The following PRKG1 variants were observed in gnomAD, a reference collection of about 807,000 sequenced individuals.
PRKG1 encodes the protein protein kinase cGMP-dependent 1.
Under a neutral mutation model 88.1 loss-of-function variants are expected in PRKG1, and 35 were observed. The ratio of observed to expected loss-of-function variants is 0.40; its 90% confidence interval spans 0.30 to 0.53. The LOEUF is 0.53. Ranked by LOEUF, PRKG1 falls within the 20% of genes least tolerant of loss-of-function variation. The pLI is 0.59. For synonymous variants in PRKG1, 303 were observed against 292.5 expected (o/e 1.04, Z -0.37); for missense variants, 540 against 839.8 (o/e 0.64, Z 4.41).
chr10:51,581,346 C>A (rs1245551378), intron 3 of PRKG1, among the ~76,000 whole-genome samples: 4 of 152,066 alleles, frequency 2.6e-5, no homozygotes, highest in African/African-American at 9.7e-5. Context: ...TCCATAGAAA[C>A]AGGACGTGAA....
At chr10:51,194,794 C>T (rs904403576) in intron 2 of PRKG1, among the ~76,000 whole-genome samples, 2 of 152,000 alleles carry the variant, frequency 1.3e-5, no homozygotes, top group Non-Finnish European at 2.9e-5. Flanking sequence ...CTTGCAAGAG[C>T]CTTCTTGTTG....
chr10:52,140,171 A>G (rs564057487), intron 8 of PRKG1, among the ~76,000 whole-genome samples: 10 of 152,360 alleles, frequency 6.6e-5, no homozygotes, highest in South Asian at 2.1e-4. Flanking sequence ...CCTGTTGGCC[A>G]TAATTTCTTG....
chr10:51,626,172 G>A (rs1188992137), intron 3 of PRKG1, among the ~76,000 whole-genome samples: 1 of 152,072 alleles, frequency 6.6e-6, no homozygotes. Context: ...GGAATGACTG[G>A]GTAACCACTT....
At chr10:51,987,376 G>A (rs1482570819) in intron 5 of PRKG1, among the ~76,000 whole-genome samples, 1 of 151,074 alleles carries the variant, frequency 6.6e-6, no homozygotes, top group Non-Finnish European at 1.5e-5. Flanking sequence ...GGCAAAGAAG[G>A]TTCAAGAAGG....
intron 2 of PRKG1, among the ~76,000 whole-genome samples, chr10:51,412,721 A>G (rs764780527): frequency 6.6e-6 from 1 of 152,140 alleles, no homozygotes; most frequent in African/African-American, 2.4e-5. Flanking sequence ...GGGAAGCACA[A>G]TGATGTGGCT....
chr10:51,917,266 C>A (rs73335434), intron 5 of PRKG1, among the ~76,000 whole-genome samples: 6,082 of 149,780 alleles, frequency 0.041, 430 homozygotes, highest in African/African-American at 0.14. Context: ...TTGCAGCGGG[C>A]CAAGATCGTG....
chr10:51,541,871 C>T (rs1162808325), intron 3 of PRKG1, among the ~76,000 whole-genome samples: 5 of 151,930 alleles, frequency 3.3e-5, no homozygotes, highest in Non-Finnish European at 7.4e-5. Flanking sequence ...AAATAATGTG[C>T]CTTATAAATG....
At chr10:51,229,486 G>A (rs1006628508) in intron 2 of PRKG1, among the ~76,000 whole-genome samples, 1 of 152,128 alleles carries the variant, frequency 6.6e-6, no homozygotes, top group Non-Finnish European at 1.5e-5. Flanking sequence ...GGGTGGAAGT[G>A]GTGAAGCTCA....
At chr10:51,850,982 A>G (rs1166962508) in intron 4 of PRKG1, among the ~76,000 whole-genome samples, 1 of 152,144 alleles carries the variant, frequency 6.6e-6, no homozygotes, top group Non-Finnish European at 1.5e-5. Context: ...TACTTCTGAC[A>G]ATTTATCCTA....
rs1177632775 is a variant in PRKG1, at chr10:52,031,993, G to A, written c.763-22491G>A. On this transcript the variant is annotated intron_variant, in intron 5 of 17. Coordinates refer to ENST00000373980, the MANE Select transcript of PRKG1 (RefSeq NM_006258.4). ...ATGGCTGGAGTGTAGAGGGAGAGGG[G>A]GTATTTAAACAGTCATGGTCTTAAA... Among the ~76,000 whole-genome samples the A allele has an allele frequency of 4.0e-5, 6 of 151,818 alleles. No individual in the cohort carries two copies. The South Asian group carries it at 1.2e-3, about 32-fold the overall frequency.
Position 51,528,535 on chromosome 10 carries a change from T to C in PRKG1, c.592+60699T>C, listed in dbSNP as rs954605036. On this transcript the variant is annotated intron_variant, in intron 3 of 17. Coordinates refer to ENST00000373980, the MANE Select transcript of PRKG1 (RefSeq NM_006258.4). Reference sequence around the variant, plus strand: ...TAAGTGGAACATTAGGTTTCCTGTTTCCTGTCATAGTTTTTCTAAATTACA... The same window carrying C: ...TAAGTGGAACATTAGGTTTCCTGTTCCCTGTCATAGTTTTTCTAAATTACA... Among the ~76,000 whole-genome samples, 6 of 151,502 alleles carry C rather than the reference T, an allele frequency of 4.0e-5. No individual in the cohort carries two copies. In the Admixed American group the frequency reaches 4.0e-4, roughly 10 times the overall value.
chr10:51,118,756 G>A (rs996453707), intron 1 of PRKG1, among the ~76,000 whole-genome samples: 7 of 152,076 alleles, frequency 4.6e-5, no homozygotes, highest in African/African-American at 1.7e-4. Context: ...ATTCGTCTCT[G>A]CAGAATATTC....
rs112030598 is a variant in PRKG1, at chr10:51,344,057, C to T, written c.479-123666C>T. Among the ~76,000 whole-genome samples the T allele has an allele frequency of 8.0e-3, 1,213 of 152,230 alleles. 16 individuals carry two copies. The highest frequency in any genetic ancestry group is 0.028 in the African/African-American group (1,160 of 41,524). On this transcript the variant is annotated intron_variant, in intron 2 of 17. Transcript: ENST00000373980. Reference sequence around the variant, plus strand: ...TCTGTATTAGGTCATTCTTGCATTGCTATAAAGAAATACCTGAGACTGGGT... The same window carrying T: ...TCTGTATTAGGTCATTCTTGCATTGTTATAAAGAAATACCTGAGACTGGGT...
chr10:51,405,905 T>C (rs755371111), intron 2 of PRKG1, among the ~76,000 whole-genome samples: 2 of 152,070 alleles, frequency 1.3e-5, no homozygotes, highest in Non-Finnish European at 2.9e-5. Flanking sequence ...CAATGGGACC[T>C]GAAAAGACTA....
At chr10:51,836,608 G>T (rs1350955059) in intron 4 of PRKG1, among the ~76,000 whole-genome samples, 1 of 151,936 alleles carries the variant, frequency 6.6e-6, no homozygotes. Flanking sequence ...TGAGACAAAG[G>T]TCTATTTTCA....
chr10:51,376,877 A>G (rs1023402288), intron 2 of PRKG1, among the ~76,000 whole-genome samples: 2 of 152,084 alleles, frequency 1.3e-5, no homozygotes, highest in Admixed American at 6.6e-5. Flanking sequence ...AGGTTTCACC[A>G]TGTTGGCCAG....
chr10:51,105,654 TA>T (rs1454047683), intron 1 of PRKG1, among the ~76,000 whole-genome samples: 1 of 152,210 alleles, frequency 6.6e-6, no homozygotes, highest in Non-Finnish European at 1.5e-5. Context: ...GCTGTTATCC[TA>T]AACCTGGAGA....
At chr10:51,267,173 T>C (rs1222284962) in intron 2 of PRKG1, among the ~76,000 whole-genome samples, 1 of 152,172 alleles carries the variant, frequency 6.6e-6, no homozygotes, top group Non-Finnish European at 1.5e-5. Context: ...TCTATGTGTA[T>C]TTCCAAAAAC....
At chr10:51,799,710 C>T (rs1839116949) in intron 3 of PRKG1, among the ~76,000 whole-genome samples, 1 of 151,872 alleles carries the variant, frequency 6.6e-6, no homozygotes, top group Non-Finnish European at 1.5e-5. Flanking sequence ...GTGGCATGAC[C>T]CTAGGGACAC....
Sources: allele counts gnomAD v4.1 joint callset (sites outside exome capture counted in the v4.1 genomes callset), GRCh38; gene constraint gnomAD v4.1.1; transcripts MANE v1.5; gene names NCBI Gene and HGNC (gene_info 2026-07-23, HGNC 2026-07-21).